The following PLA2G4F variants were observed in gnomAD, a reference collection of about 807,000 sequenced individuals.
PLA2G4F encodes cytosolic phospholipase A2 zeta.
In PLA2G4F, 105 loss-of-function variants were observed where a neutral mutation model predicts 103.1. The observed-to-expected ratio is 1.02, with a 90% CI of 0.87 to 1.20. The LOEUF (loss-of-function observed/expected upper bound fraction) is 1.20. Among genes scored for constraint, PLA2G4F ranks in the 50% most tolerant of loss-of-function variants. The probability of loss-of-function intolerance (pLI) is 0.00; values close to 1 mark genes in which losing one functional copy is unlikely to be tolerated. For missense variants in PLA2G4F, 1,155 were observed against 1,075.9 expected (o/e 1.07, Z -1.03); for synonymous variants, 468 against 441.1 (o/e 1.06, Z -0.76).
Position 42,142,555 on chromosome 15 carries a change from G to A in PLA2G4F, c.2302C>T (p.Arg768Cys), listed in dbSNP as rs560812368. The change falls in exon 19 of 20, where the codon CGT becomes TGT. Residue 768 changes from arginine (R) to cysteine (C), a missense_variant. Arg to Cys is a radical substitution (Grantham distance 180). This residue lies in a region of PLA2G4F where 782 missense variants were observed against 692.9 expected (regional missense o/e 1.13). Transcript: ENST00000397272. ...GGGGCCAGGTGTGTGCGGAAGGTAC[G>A]GTTAACCAGGGGGAAGTGCAGCACA... is the stretch of plus-strand genomic sequence containing the variant. ...PIVLHFPLVN[R>C]TFRTHLAPGV... 2.9e-5 allele frequency: 46 copies of A among 1,613,964 alleles called. No homozygotes were observed. The Admixed American group carries it at 3.0e-4, about 11-fold the overall frequency.
chr15:42,144,414 G>C, intron 17 of PLA2G4F, 36 bp downstream of exon 17: 1 of 1,606,278 alleles, frequency 6.2e-7, no homozygotes, highest in Non-Finnish European at 8.5e-7. Context: ...AGGCAGGAAG[G>C]GAAGCCCCCC....
At chr15:42,153,412 G>T in intron 5 of PLA2G4F, 70 bp from the exon 6 acceptor site, 2 of 1,566,346 alleles carry the variant, frequency 1.3e-6, no homozygotes, top group South Asian at 2.2e-5. Flanking sequence ...ATCATAATGT[G>T]ACTGAAGCAG....
chr15:42,139,722 T>G lies in PLA2G4F; in HGVS notation c.*2262A>C, dbSNP rs2141122345. On this transcript the variant is annotated 3_prime_UTR_variant, in exon 20 of 20. Coordinates refer to ENST00000397272, the MANE Select transcript of PLA2G4F (RefSeq NM_213600.4). ...GCGTGGCTCCCAGATTCAGTCTTGT[T>G]GGAGCCTCCCCATCCCTGGCTGAGA... 1 of 152,494 alleles carries G rather than the reference T, an allele frequency of 6.6e-6. No individual in the cohort carries two copies. Among genetic ancestry groups the G allele is most frequent in the East Asian group, 1.9e-4 (1 of 5,170 alleles). The allele number at this position is 152,494 out of a possible 1,614,324, so 9.4% of individuals were successfully genotyped here.
At chr15:42,152,579 G>T in intron 7 of PLA2G4F, 109 bp downstream of exon 7, 1 of 1,145,196 alleles carries the variant, frequency 8.7e-7, no homozygotes, top group Non-Finnish European at 1.3e-6. Flanking sequence ...AGTCGGCTTT[G>T]AGCAATGAAA....
rs1404941618 is a variant in PLA2G4F at position 42,141,242 on chromosome 15, A to C, written c.*742T>G. On this transcript the variant is annotated 3_prime_UTR_variant, in exon 20 of 20. Transcript: ENST00000397272. ...GAGACTATATTTGCATGATGTGGCC[A>C]CTACACACATCACCAGAGACTGTGG... The C allele has an allele frequency of 2.2e-6, 1 of 456,706 alleles. No homozygotes were observed. Among genetic ancestry groups the C allele is most frequent in the Non-Finnish European group, 4.4e-6 (1 of 226,970 alleles). 28.3% of individuals were successfully genotyped at this position (456,706 alleles called of 1,614,324 possible). A position where few individuals can be genotyped will look rare whatever the true frequency, so the allele number is the denominator to read the frequency against.
rs2048939083 is a variant in PLA2G4F, at chr15:42,150,053, C to T, written c.923+51G>A. On this transcript the variant is annotated intron_variant, in intron 10 of 19. Coordinates refer to ENST00000397272, the MANE Select transcript of PLA2G4F (RefSeq NM_213600.4). ...GAATGGAGCACGTTGGGGTATGTCCCCGCACTTCTAGCCCAGCCCCAAGAG... is the reference window on the plus strand; with the variant it reads ...GAATGGAGCACGTTGGGGTATGTCCTCGCACTTCTAGCCCAGCCCCAAGAG... 1.9e-6 allele frequency: 3 copies of T among 1,611,862 alleles called. No individual in the cohort carries two copies. The African/African-American group carries it at 4.0e-5, about 22-fold the overall frequency.
intron 5 of PLA2G4F, 97 bp downstream of exon 5, chr15:42,153,523 C>T: frequency 1.3e-6 from 2 of 1,542,160 alleles, no homozygotes; most frequent in Admixed American, 3.4e-5. Flanking sequence ...CCAGGCCAGG[C>T]CTCCAAGGCC....
intron 11 of PLA2G4F, chr15:42,149,205 C>A (rs1048503127): frequency 1.0e-6 from 1 of 970,466 alleles, no homozygotes. Context: ...CCCAATGTGA[C>A]AGTATTTGGA....
chr15:42,149,755 C>G lies in PLA2G4F; in HGVS notation c.1017G>C (p.Leu339=). ...DRRKQVVSKA[L]QQVLGLSEAL... Reference sequence around the variant, plus strand: ...CCTCACTCAATCCCAGCACTTGCTGCAGGGCCTTGGACACGACCTGCTTCC... The same window carrying G: ...CCTCACTCAATCCCAGCACTTGCTGGAGGGCCTTGGACACGACCTGCTTCC... The change falls in exon 11 of 20, where the codon CTG becomes CTC. Residue 339 remains leucine, a synonymous_variant. Transcript: ENST00000397272. 6.2e-7 allele frequency: 1 copy of G among 1,614,206 alleles called. No homozygotes were observed. The highest frequency in any genetic ancestry group is 8.5e-7 in the Non-Finnish European group (1 of 1,180,028).
Position 42,141,897 on chromosome 15 carries a change from C to G in PLA2G4F, c.*87G>C. The G allele has an allele frequency of 7.4e-7, 1 of 1,346,966 alleles. No homozygotes were observed. The highest frequency in any genetic ancestry group is 1.9e-5 in the Admixed American group (1 of 52,936). The allele number at this position is 1,346,966 out of a possible 1,614,324, so 83.4% of individuals were successfully genotyped here. ...GGAGAGAAGGGAAGCAGATCCTGCA[C>G]AGAGTCCCCATCGCTCCTCCCTCTA... is the stretch of plus-strand genomic sequence containing the variant. On this transcript the variant is annotated 3_prime_UTR_variant, in exon 20 of 20. Coordinates refer to ENST00000397272, the MANE Select transcript of PLA2G4F (RefSeq NM_213600.4).
rs186977470 is a variant in PLA2G4F at position 42,156,325 on chromosome 15, A to T, written c.111+114T>A. The T allele has an allele frequency of 2.4e-4, 178 of 731,568 alleles. No homozygotes were observed. In the African/African-American group the frequency reaches 3.1e-3, roughly 13 times the overall value. The allele number at this position is 731,568 out of a possible 1,614,324, so 45.3% of individuals were successfully genotyped here. A position where few individuals can be genotyped will look rare whatever the true frequency, so the allele number is the denominator to read the frequency against. On this transcript the variant is annotated intron_variant, in intron 1 of 19. Coordinates refer to ENST00000397272, the MANE Select transcript of PLA2G4F (RefSeq NM_213600.4). The stretch of plus-strand genomic sequence containing the variant: ...CTCTGCCAGGTCATCTAGAATAAAC[A>T]GGTCCCACCCCAACTCAAAACCCAG...
intron 18 of PLA2G4F, among the ~76,000 whole-genome samples, chr15:42,143,454 C>G (rs1237966246): frequency 6.6e-6 from 1 of 152,100 alleles, no homozygotes; most frequent in African/African-American, 2.4e-5. Context: ...CTCACTGGAC[C>G]CAGGACAAAG....
Position 42,145,901 on chromosome 15 carries a change from A to G in PLA2G4F, c.1537T>C (p.Trp513Arg), listed in dbSNP as rs2048879448. Residue 513 changes from tryptophan (W) to arginine (R), a missense_variant and splice_region_variant, in exon 15 of 20, where the codon TGG (tryptophan) becomes CGG (arginine). Physicochemically the swap from Trp to Arg is moderately radical, Grantham distance 101. Coordinates refer to ENST00000397272, the MANE Select transcript of PLA2G4F (RefSeq NM_213600.4). ...TNLSGEDFAE[W>R]CEFTPYEVGF... Reference sequence around the variant, plus strand: ...ACCTCATAGGGCGTGAACTCGCACCACTCTAGGGGCCCGAGTGAAGGGAAA... The same window carrying G: ...ACCTCATAGGGCGTGAACTCGCACCGCTCTAGGGGCCCGAGTGAAGGGAAA... 6.2e-7 allele frequency: 1 copy of G among 1,613,690 alleles called. No homozygotes were observed. The highest frequency in any genetic ancestry group is 1.3e-5 in the African/African-American group (1 of 75,000).
rs770563073 is a variant in PLA2G4F, at chr15:42,150,160, C to G, written c.886-19G>C. ...CCTGGCCCTGAAAGACACAGCAGCC[C>G]CAACCCTGAGTTCTCTGGGCAGGAT... On this transcript the variant is annotated intron_variant, in intron 9 of 19. Coordinates refer to ENST00000397272, the MANE Select transcript of PLA2G4F (RefSeq NM_213600.4). The G allele has an allele frequency of 1.2e-6, 2 of 1,614,058 alleles. No homozygotes were observed. Among genetic ancestry groups the G allele is most frequent in the African/African-American group, 2.7e-5 (2 of 74,934 alleles).
At chr15:42,151,138 C>T (rs1404412501) in intron 7 of PLA2G4F, 6 of 985,176 alleles carry the variant, frequency 6.1e-6, no homozygotes, top group Non-Finnish European at 7.2e-6. Flanking sequence ...AGTGGTTTCC[C>T]GCTTGCCCCA....
chr15:42,142,257 G>A, intron 19 of PLA2G4F, 53 bp from the exon 20 acceptor site: 1 of 1,509,846 alleles, frequency 6.6e-7, no homozygotes, highest in Non-Finnish European at 9.0e-7. Context: ...CTGTGGAACT[G>A]GCTGGAACAG....
chr15:42,146,372 G>A (rs1326313080), intron 13 of PLA2G4F, 131 bp from the exon 14 acceptor site: 20 of 805,082 alleles, frequency 2.5e-5, no homozygotes, highest in Non-Finnish European at 3.6e-5. Context: ...GGCCAGTGCT[G>A]TAAGGACAGC....
At chr15:42,151,766 GA>G in intron 7 of PLA2G4F, 1 of 712,882 alleles carries the variant, frequency 1.4e-6, no homozygotes, top group Non-Finnish European at 1.7e-6. Context: ...ATCCGTGGTT[GA>G]GAGAAGCGGA....
At position 42,140,295 on chromosome 15, in the gene PLA2G4F, G is replaced by A. The variant is rs2048817139; in HGVS notation, c.*1689C>T. 1 of 152,284 alleles carries A rather than the reference G, an allele frequency of 6.6e-6. No homozygotes were observed. The highest frequency in any genetic ancestry group is 1.5e-5 in the Non-Finnish European group (1 of 68,078). The allele number at this position is 152,284 out of a possible 1,614,324, so 9.4% of individuals were successfully genotyped here. ...AATGACTTTCTAGGAGCCAGAGACA[G>A]CCTGAGGCTCTAATGGGCACTGAAG... is the stretch of plus-strand genomic sequence containing the variant. On this transcript the variant is annotated 3_prime_UTR_variant, in exon 20 of 20. Transcript: ENST00000397272.
Sources: allele counts gnomAD v4.1 joint callset (sites outside exome capture counted in the v4.1 genomes callset), GRCh38; gene constraint gnomAD v4.1.1; regional missense constraint gnomAD v4.1.1; transcripts MANE v1.5; gene names NCBI Gene and HGNC (gene_info 2026-07-23, HGNC 2026-07-21).